Variants in DAB2IP observed in about 807,000 individuals in gnomAD.
The protein encoded by DAB2IP is DAB2 interacting protein.
A neutral mutation model predicts 107.2 loss-of-function variants in DAB2IP; 28 were observed. The ratio of observed to expected loss-of-function variants is 0.26; its 90% CI spans 0.19 to 0.36. The LOEUF is 0.36. Among genes scored for constraint, DAB2IP ranks in the 10% least tolerant of loss-of-function variants. DAB2IP has a pLI of 1.00. For missense variants in DAB2IP, 1,400 were observed against 1,644.7 expected, an observed-to-expected ratio of 0.85 and a Z score of 2.57; for synonymous variants, 755 against 706.4, an observed-to-expected ratio of 1.07 and a Z score of -1.09.
At chr9:121,741,003 A>C (rs1477625777) in intron 3 of DAB2IP, among the ~76,000 whole-genome samples, 1 of 152,120 alleles carries the variant, frequency 6.6e-6, no homozygotes, top group Non-Finnish European at 1.5e-5. Context: ...GGGGTGAGGT[A>C]GTAAGGGTGG....
intron 3 of DAB2IP, chr9:121,742,827 G>T: frequency 1.0e-6 from 1 of 985,426 alleles, no homozygotes; most frequent in Non-Finnish European, 1.2e-6. Context: ...ATGATTTCCA[G>T]TCTTCTCATC....
At chr9:121,568,957 C>T (rs773339003) in intron 1 of DAB2IP, among the ~76,000 whole-genome samples, 27 of 152,208 alleles carry the variant, frequency 1.8e-4, no homozygotes, top group Admixed American at 1.3e-4. Context: ...GGTTGCTGAT[C>T]TCCTGGAAGC....
chr9:121,715,099 C>T (rs1460773924), intron 3 of DAB2IP, among the ~76,000 whole-genome samples: 1 of 152,218 alleles, frequency 6.6e-6, no homozygotes, highest in Non-Finnish European at 1.5e-5. Flanking sequence ...GGGGCATGCC[C>T]CGTTGCTCCA....
In DAB2IP at chr9:121,660,749, G is replaced by A. The variant is rs114275448; in HGVS notation, c.124+8850G>A. ...TTTTATTCTGAGATGATGGTCTTTGGATTCTTTGGGGTTAGAACATTCCTT... is the reference window on the plus strand; with the variant it reads ...TTTTATTCTGAGATGATGGTCTTTGAATTCTTTGGGGTTAGAACATTCCTT... On this transcript the variant is annotated intron_variant, in intron 1 of 15. Transcript: ENST00000408936. 6.5e-3 allele frequency among the ~76,000 whole-genome samples: 984 copies of A among 152,218 alleles called. 13 individuals carry two copies. The highest frequency in any genetic ancestry group is 0.023 in the African/African-American group (938 of 41,530).
In DAB2IP at chr9:121,701,172, GCAGT is replaced by G. The variant is rs2118739318; in HGVS notation, c.362+1716_362+1719del. 6.6e-6 allele frequency among the ~76,000 whole-genome samples: 1 copy of G among 152,320 alleles called. No individual in the cohort carries two copies. Among genetic ancestry groups the G allele is most frequent in the Admixed American group, 6.5e-5 (1 of 15,312 alleles). On this transcript the variant is annotated intron_variant, in intron 3 of 15. Coordinates refer to ENST00000408936, the Ensembl canonical transcript of DAB2IP. The surrounding 1 kb of genome is among the most constrained non-coding windows in gnomAD (Gnocchi z 4.7). ...GTCCGGGGAGCAGGAGAGACAACAG[GCAGT>G]CCGGCTTCTGAGTGTGTCTGCTCTC...
intron 1 of DAB2IP, among the ~76,000 whole-genome samples, chr9:121,628,955 G>A (rs748100068): frequency 2.0e-5 from 3 of 152,202 alleles, no homozygotes; most frequent in Non-Finnish European, 4.4e-5. Flanking sequence ...TTGAGCTCCT[G>A]TTTGGAGAAC....
rs118027337 is a variant in DAB2IP, at chr9:121,603,314, G to A, written c.40+36086G>A. Among the ~76,000 whole-genome samples, 6 of 152,340 alleles carry A rather than the reference G, an allele frequency of 3.9e-5. No individual in the cohort carries two copies. The South Asian group carries it at 1.0e-3, about 26-fold the overall frequency. ...TCACTAGGAGAGATACAGGGTGGAGGAATCGCCTGCATAGACCCCAGCTGT... is the reference window on the plus strand; with the variant it reads ...TCACTAGGAGAGATACAGGGTGGAGAAATCGCCTGCATAGACCCCAGCTGT... On this transcript the variant is annotated intron_variant, in intron 1 of 16. Transcript: ENST00000259371.
intron 3 of DAB2IP, among the ~76,000 whole-genome samples, chr9:121,747,714 T>A (rs563201956): frequency 1.8e-4 from 27 of 152,280 alleles, no homozygotes; most frequent in South Asian, 1.5e-3. Context: ...GTTTAAAAAC[T>A]GCTTTGCGGT....
chr9:121,675,666 T>C (rs1302048020), intron 1 of DAB2IP, among the ~76,000 whole-genome samples: 3 of 152,220 alleles, frequency 2.0e-5, no homozygotes, highest in Non-Finnish European at 4.4e-5. Context: ...CACTGGACCC[T>C]CATTCCTGTT....
intron 3 of DAB2IP, among the ~76,000 whole-genome samples, chr9:121,704,669 C>A (rs114503490): frequency 1.2e-4 from 18 of 152,278 alleles, no homozygotes; most frequent in African/African-American, 4.3e-4. Flanking sequence ...GCTGTCCTCT[C>A]CTCCTCCCCC....
At chr9:121,583,659 T>TG (rs563767331) in intron 1 of DAB2IP, among the ~76,000 whole-genome samples, 292 of 89,398 alleles carry the variant, frequency 3.3e-3, no homozygotes, top group African/African-American at 9.5e-3. Flanking sequence ...GGGGGATGGG[T>TG]GGGGGGTCCC....
At chr9:121,627,263 C>T (rs568434579) in intron 1 of DAB2IP, among the ~76,000 whole-genome samples, 1 of 152,232 alleles carries the variant, frequency 6.6e-6, no homozygotes, top group Admixed American at 6.5e-5. Flanking sequence ...TGTCGGTATA[C>T]ACATTTCCAC....
chr9:121,619,307 C>A (rs992642613), intron 1 of DAB2IP, among the ~76,000 whole-genome samples: 1 of 152,122 alleles, frequency 6.6e-6, no homozygotes, highest in Non-Finnish European at 1.5e-5. Flanking sequence ...CCACCACATC[C>A]CGCTAATTTT....
At chr9:121,620,660 C>T (rs972907311) in intron 1 of DAB2IP, among the ~76,000 whole-genome samples, 5 of 152,090 alleles carry the variant, frequency 3.3e-5, no homozygotes, top group Admixed American at 2.6e-4. Flanking sequence ...GGGGTCCTGC[C>T]CCTCCAGCTG....
At chr9:121,605,289 G>C (rs1388180907) in intron 1 of DAB2IP, among the ~76,000 whole-genome samples, 1 of 152,072 alleles carries the variant, frequency 6.6e-6, no homozygotes, top group Non-Finnish European at 1.5e-5. Flanking sequence ...CCAAAGTGTT[G>C]ATTACAGGCA....
At chr9:121,726,085 T>A (rs1831224734) in intron 3 of DAB2IP, among the ~76,000 whole-genome samples, 1 of 152,180 alleles carries the variant, frequency 6.6e-6, no homozygotes, top group African/African-American at 2.4e-5. Context: ...CCTAGGTGGC[T>A]TCAGAAAGGG....
rs80001504 is a variant in DAB2IP, at chr9:121,705,763, G to T, written c.362+6305G>T. On this transcript the variant is annotated intron_variant, in intron 3 of 15. Transcript: ENST00000408936. ...TACCAGGCAGAGCCCAGGCCCAGGTGCCAGGCCTGACAGGTGCCATGGGAC... is the reference window on the plus strand; with the variant it reads ...TACCAGGCAGAGCCCAGGCCCAGGTTCCAGGCCTGACAGGTGCCATGGGAC... 4.5e-4 allele frequency among the ~76,000 whole-genome samples: 69 copies of T among 152,282 alleles called. 2 individuals carry two copies. The East Asian group carries it at 0.013, about 30-fold the overall frequency.
intron 3 of DAB2IP, among the ~76,000 whole-genome samples, chr9:121,731,496 G>A (rs1831538229): frequency 6.6e-6 from 1 of 152,240 alleles, no homozygotes; most frequent in Admixed American, 6.5e-5. Context: ...GAGGCATAGT[G>A]GTTATAAATG....
chr9:121,775,818 A>C (rs781600275), intron 13 of DAB2IP, among the ~76,000 whole-genome samples: 6 of 152,228 alleles, frequency 3.9e-5, no homozygotes, highest in Non-Finnish European at 7.3e-5. Context: ...CCCCTCCTGC[A>C]GAGCTCCCAC....
Sources: gnomAD v4.1 joint callset for allele counts (sites outside exome capture counted in the v4.1 genomes callset) on GRCh38, gnomAD v4.1.1 for gene constraint, Gnocchi (gnomAD v3.1) non-coding constraint, MANE v1.5 for transcripts, NCBI Gene and HGNC (gene_info 2026-07-23, HGNC 2026-07-21) for gene names.